Variants in STK32B observed in about 807,000 individuals in gnomAD.
STK32B encodes serine/threonine-protein kinase 32B.
A neutral mutation model predicts 52.6 loss-of-function variants in STK32B; 43 were observed. The observed-to-expected ratio is 0.82, with a 90% CI of 0.64 to 1.05. STK32B has a LOEUF of 1.05. Ranked by LOEUF, STK32B falls within the 50% of genes least tolerant of loss-of-function variation. STK32B has a pLI of 0.00. For missense variants in STK32B, 621 were observed against 534.6 expected, an observed-to-expected ratio of 1.16 and a Z score of -1.59; for synonymous variants, 238 against 204.3, an observed-to-expected ratio of 1.17 and a Z score of -1.41.
At chr4:5,318,839 G>A (rs970481923) in intron 3 of STK32B, among the ~76,000 whole-genome samples, 10 of 151,136 alleles carry the variant, frequency 6.6e-5, no homozygotes, top group South Asian at 2.1e-4. Flanking sequence ...TTGCTCTGTC[G>A]CCCACACTGG....
intron 11 of STK32B, among the ~76,000 whole-genome samples, chr4:5,493,853 G>T (rs917897363): frequency 1.3e-5 from 2 of 152,254 alleles, no homozygotes; most frequent in African/African-American, 4.8e-5. Context: ...AGTCATTCAG[G>T]AGCAGGTTGT....
At chr4:5,123,427 A>G (rs71597744) in intron 1 of STK32B, among the ~76,000 whole-genome samples, 22,175 of 152,144 alleles carry the variant, frequency 0.15, 2,145 homozygotes, top group Non-Finnish European at 0.21. Flanking sequence ...TGCTTTTCCA[A>G]TCACAATGCT....
At chr4:5,028,906 G>T in the STK32B span, among the ~76,000 whole-genome samples, 1,105 of 152,332 alleles carry the variant, frequency 7.3e-3, 19 homozygotes, top group African/African-American at 0.025. Context: ...CATCTGCTCA[G>T]CCTCAGGAAA....
At chr4:5,387,073 G>A (rs1039843710) in intron 4 of STK32B, among the ~76,000 whole-genome samples, 1 of 152,198 alleles carries the variant, frequency 6.6e-6, no homozygotes, top group South Asian at 2.1e-4. Context: ...GACATCAGAC[G>A]AGAGCTGGGC....
rs376899720 is a variant in STK32B at position 5,344,692 on chromosome 4, A to ATT, written c.434+13310_434+13311dup. 3.1e-3 allele frequency among the ~76,000 whole-genome samples: 456 copies of ATT among 147,984 alleles called. 1 individual carries two copies. The highest frequency in any genetic ancestry group is 9.5e-3 in the African/African-American group (387 of 40,556). Reference sequence around the variant, plus strand: ...TTTCTTTTTGGCAAACTTTGTCAGAATTTTTTTTTTTTGTCTTTTAATCAT... The same window carrying ATT: ...TTTCTTTTTGGCAAACTTTGTCAGAATTTTTTTTTTTTTTGTCTTTTAATCAT... On this transcript the variant is annotated intron_variant, in intron 4 of 11. Transcript: ENST00000282908.
chr4:5,295,020 T>C (rs6446349), intron 3 of STK32B, among the ~76,000 whole-genome samples: 20,831 of 152,164 alleles, frequency 0.14, 2,864 homozygotes, highest in African/African-American at 0.35. Context: ...TTTCTGCATC[T>C]ATTGAGATAG....
chr4:5,038,533 C>T, the STK32B span, among the ~76,000 whole-genome samples: 1 of 152,220 alleles, frequency 6.6e-6, no homozygotes, highest in Admixed American at 6.5e-5. Flanking sequence ...AGGCTACAAA[C>T]CTGTGCAGCA....
intron 1 of STK32B, among the ~76,000 whole-genome samples, chr4:5,132,797 CT>C (rs528617198): frequency 2.9e-3 from 419 of 144,942 alleles, no homozygotes; most frequent in East Asian, 7.4e-3. Context: ...GAATTTACCA[CT>C]TTTTTTTTTT....
intron 2 of STK32B, chr4:5,140,242 T>TG (rs1414088282): frequency 2.2e-5 from 32 of 1,445,788 alleles, no homozygotes; most frequent in African/African-American, 2.0e-4. Flanking sequence ...TGAGGAAAGT[T>TG]GAAAAAAAAC....
intron 9 of STK32B, among the ~76,000 whole-genome samples, chr4:5,461,131 G>A (rs1442282990): frequency 2.6e-5 from 4 of 152,144 alleles, no homozygotes; most frequent in African/African-American, 9.7e-5. Flanking sequence ...CAATTGGGAT[G>A]GAAATCCTGG....
chr4:5,228,830 G>A (rs1408612631), intron 3 of STK32B, among the ~76,000 whole-genome samples: 1 of 152,130 alleles, frequency 6.6e-6, no homozygotes, highest in Admixed American at 6.6e-5. Context: ...AGATGGGCAT[G>A]GTGGTGGGTG....
chr4:5,108,155 T>A (rs536962170), intron 1 of STK32B, among the ~76,000 whole-genome samples: 1 of 152,358 alleles, frequency 6.6e-6, no homozygotes, highest in African/African-American at 2.4e-5. Flanking sequence ...TGTCTTCTTT[T>A]GCATCTTATA....
intron 2 of STK32B, among the ~76,000 whole-genome samples, chr4:5,159,743 A>G (rs962520761): frequency 7.1e-6 from 1 of 140,158 alleles, no homozygotes; most frequent in Non-Finnish European, 1.5e-5. Flanking sequence ...ATATATGAAT[A>G]TATGAATGTA....
chr4:5,380,099 T>C lies in STK32B; in HGVS notation c.435-18108T>C, dbSNP rs1011838342. 6.6e-6 allele frequency among the ~76,000 whole-genome samples: 1 copy of C among 152,176 alleles called. No homozygotes were observed. The highest frequency in any genetic ancestry group is 2.4e-5 in the African/African-American group (1 of 41,448). On this transcript the variant is annotated intron_variant, in intron 4 of 11. Coordinates refer to ENST00000282908, the MANE Select transcript of STK32B (RefSeq NM_018401.3). This position sits in a 1 kb window ranked among gnomAD's most constrained non-coding sequence, Gnocchi z 4.3. ...TGTGCAGAGCATCTCCCCAGCCCACTGCTTGCTTCTCAGGGGCAATTTGAA... is the reference window on the plus strand; with the variant it reads ...TGTGCAGAGCATCTCCCCAGCCCACCGCTTGCTTCTCAGGGGCAATTTGAA...
intron 3 of STK32B, among the ~76,000 whole-genome samples, chr4:5,227,268 C>G (rs972346487): frequency 2.0e-5 from 3 of 152,176 alleles, no homozygotes; most frequent in Admixed American, 2.0e-4. Context: ...AGATTTCATT[C>G]TCTCTCACGT....
intron 3 of STK32B, among the ~76,000 whole-genome samples, chr4:5,327,580 G>T (rs74802018): frequency 0.026 from 3,938 of 152,028 alleles, 170 homozygotes; most frequent in African/African-American, 0.089. Flanking sequence ...TGAGAAGTAG[G>T]TCTCAGCATT....
chr4:5,247,584 ACCCACTGTCCGGCG>A (rs1725552511), intron 3 of STK32B, among the ~76,000 whole-genome samples: 1 of 151,998 alleles, frequency 6.6e-6, no homozygotes, highest in Non-Finnish European at 1.5e-5. Context: ...ACTGTCCTGC[ACCCACTGTCCGGCG>A]CTTCCCTGTG....
rs139547737 is a variant in STK32B, at chr4:5,410,194, C to T, written c.473-6651C>T. On this transcript the variant is annotated intron_variant, in intron 5 of 11. Transcript: ENST00000282908. Reference sequence around the variant, plus strand: ...AGCAGAGAGCCAGGGTTGCTGGAAACGGCTGGAGCCTACCAGGGGAGGGAG... The same window carrying T: ...AGCAGAGAGCCAGGGTTGCTGGAAATGGCTGGAGCCTACCAGGGGAGGGAG... Among the ~76,000 whole-genome samples the T allele has an allele frequency of 2.2e-3, 331 of 152,272 alleles. 1 individual carries two copies. Among genetic ancestry groups the T allele is most frequent in the Non-Finnish European group, 2.7e-3 (183 of 68,020 alleles).
At chr4:5,243,537 GA>G (rs535670664) in intron 3 of STK32B, among the ~76,000 whole-genome samples, 16 of 152,262 alleles carry the variant, frequency 1.1e-4, no homozygotes, top group Admixed American at 3.3e-4. Context: ...GGGACAATTT[GA>G]CATCCTCTTT....
Sources: gnomAD v4.1 joint callset for allele counts (sites outside exome capture counted in the v4.1 genomes callset) on GRCh38, gnomAD v4.1.1 for gene constraint, Gnocchi (gnomAD v3.1) non-coding constraint, MANE v1.5 for transcripts, NCBI Gene and HGNC (gene_info 2026-07-23, HGNC 2026-07-21) for gene names.